RBMS3: variants seen among roughly 807,000 people sequenced by gnomAD.
RBMS3 encodes the protein RNA-binding motif, single-stranded-interacting protein 3.
RBMS3 carries 27 observed loss-of-function variants against 66.8 expected under a neutral mutation model. That is an observed-to-expected ratio of 0.40 (90% CI 0.30 to 0.56). The LOEUF is 0.56. Ranked by LOEUF, RBMS3 falls within the 20% of genes least tolerant of loss-of-function variation. The pLI, the probability that RBMS3 is intolerant of heterozygous loss-of-function variation, is 0.40. For synonymous variants in RBMS3, 188 were observed against 183.0 expected, an observed-to-expected ratio of 1.03 and a Z score of -0.22; for missense variants, 513 against 549.5, an observed-to-expected ratio of 0.93 and a Z score of 0.66.
chr3:29,310,275 A>T (rs2034292582), intron 1 of RBMS3, among the ~76,000 whole-genome samples: 1 of 151,662 alleles, frequency 6.6e-6, no homozygotes, highest in Non-Finnish European at 1.5e-5. Flanking sequence ...AATCTCAGTA[A>T]AGTAGGTCAT....
intron 1 of RBMS3, among the ~76,000 whole-genome samples, chr3:29,433,630 C>T (rs1300820379): frequency 6.6e-6 from 1 of 152,086 alleles, no homozygotes; most frequent in Non-Finnish European, 1.5e-5. Flanking sequence ...GAGGTTAAGG[C>T]ACCACTTAAA....
intron 12 of RBMS3, among the ~76,000 whole-genome samples, chr3:29,970,825 T>C (rs9857969): frequency 0.019 from 2,953 of 152,304 alleles, 52 homozygotes; most frequent in African/African-American, 0.047. Flanking sequence ...AGATTTGGGA[T>C]GTGTTCAGGA....
chr3:29,975,335 T>C (rs956340045), intron 12 of RBMS3, among the ~76,000 whole-genome samples: 2 of 151,638 alleles, frequency 1.3e-5, no homozygotes, highest in African/African-American at 2.4e-5. Context: ...TTCTGCTTAA[T>C]TGACAATGCC....
At chr3:29,929,093 A>G (rs926540240) in intron 10 of RBMS3, among the ~76,000 whole-genome samples, 2 of 152,228 alleles carry the variant, frequency 1.3e-5, no homozygotes, top group Non-Finnish European at 2.9e-5. Flanking sequence ...TAAGAAATTT[A>G]TAATCTTAAG....
chr3:29,823,963 C>A (rs2058137928), intron 6 of RBMS3, among the ~76,000 whole-genome samples: 1 of 152,028 alleles, frequency 6.6e-6, no homozygotes, highest in South Asian at 2.1e-4. Flanking sequence ...TCCAGTTTCT[C>A]CACATTCTTG....
At chr3:29,588,929 A>G (rs1478123031) in intron 4 of RBMS3, among the ~76,000 whole-genome samples, 2 of 152,098 alleles carry the variant, frequency 1.3e-5, no homozygotes, top group African/African-American at 4.8e-5. Context: ...AAAAATGCTT[A>G]ACGAAAAAGT....
chr3:29,798,866 C>T (rs192734660), intron 6 of RBMS3, among the ~76,000 whole-genome samples: 36 of 149,644 alleles, frequency 2.4e-4, no homozygotes, highest in Non-Finnish European at 4.1e-4. Flanking sequence ...TTTGGATCTT[C>T]GAGATCATTT....
chr3:29,936,850 A>G (rs2149690033), intron 11 of RBMS3, among the ~76,000 whole-genome samples: 1 of 152,186 alleles, frequency 6.6e-6, no homozygotes, highest in South Asian at 2.1e-4. Flanking sequence ...AAATCATAAG[A>G]AAAACTTTGT....
At chr3:29,680,858 A>C (rs1292457790) in intron 4 of RBMS3, among the ~76,000 whole-genome samples, 1 of 152,220 alleles carries the variant, frequency 6.6e-6, no homozygotes, top group Non-Finnish European at 1.5e-5. Flanking sequence ...TTAGGATGGA[A>C]TTTCAATACA....
intron 1 of RBMS3, among the ~76,000 whole-genome samples, chr3:29,404,872 T>C (rs2039949283): frequency 6.6e-6 from 1 of 152,136 alleles, no homozygotes; most frequent in Non-Finnish European, 1.5e-5. Flanking sequence ...GCAACAAATA[T>C]GTGACTATAA....
At chr3:29,653,151 T>C (rs563343913) in intron 4 of RBMS3, among the ~76,000 whole-genome samples, 1 of 152,226 alleles carries the variant, frequency 6.6e-6, no homozygotes, top group East Asian at 1.9e-4. Flanking sequence ...GGTGGCGCCA[T>C]GGTGGAGTTT....
intron 2 of RBMS3, among the ~76,000 whole-genome samples, chr3:29,483,309 C>CAAAAAAAAAAAAAA (rs72225547): frequency 1.3e-5 from 1 of 75,580 alleles, no homozygotes; most frequent in Non-Finnish European, 3.2e-5. Flanking sequence ...TTCGTCTTAA[C>CAAAAAAAAAAAAAA]AAAAAAAAAA....
chr3:29,829,635 A>G (rs2058311360), intron 6 of RBMS3, among the ~76,000 whole-genome samples: 1 of 152,186 alleles, frequency 6.6e-6, no homozygotes, highest in Admixed American at 6.5e-5. Flanking sequence ...TTACCCAACC[A>G]TTGAGCATAT....
At chr3:29,997,899 G>A (rs1699354607) in intron 14 of RBMS3, among the ~76,000 whole-genome samples, 1 of 152,300 alleles carries the variant, frequency 6.6e-6, no homozygotes, top group South Asian at 2.1e-4. Flanking sequence ...ATTCAACATT[G>A]TGTTGGAAGT....
intron 6 of RBMS3, among the ~76,000 whole-genome samples, chr3:29,848,423 TTATGA>T (rs1347835672): frequency 2.6e-5 from 4 of 152,226 alleles, no homozygotes; most frequent in African/African-American, 9.6e-5. Context: ...ATGTATATAG[TTATGA>T]TATGCTTTAC....
chr3:29,587,099 T>G lies in RBMS3; in HGVS notation c.308-15T>G, dbSNP rs199565759. 1.9e-5 allele frequency: 31 copies of G among 1,592,036 alleles called. No homozygotes were observed. The African/African-American group carries it at 4.1e-4, about 21-fold the overall frequency. ...TTTTTGTGAATATTAACAAGGGGAT[T>G]TTGTGTTTTCACAGGTTATGGTTTT... On this transcript the variant is annotated splice_polypyrimidine_tract_variant and intron_variant, in intron 3 of 14. Coordinates refer to ENST00000383767, the MANE Select transcript of RBMS3 (RefSeq NM_001003793.3).
intron 4 of RBMS3, among the ~76,000 whole-genome samples, chr3:29,696,377 C>A (rs1223276665): frequency 1.3e-5 from 2 of 152,130 alleles, no homozygotes; most frequent in Admixed American, 1.3e-4. Context: ...ATAAATGGTA[C>A]CTGCCATTAT....
chr3:29,497,973 A>ACT (rs2043818679), intron 3 of RBMS3, among the ~76,000 whole-genome samples: 9 of 43,416 alleles, frequency 2.1e-4, no homozygotes, highest in Admixed American at 7.0e-4. Context: ...AAAAGTATTC[A>ACT]TTTTTTTTTT....
At chr3:29,884,071 AATG>A in intron 7 of RBMS3, 88 bp from the exon 8 acceptor site, 1 of 1,093,438 alleles carries the variant, frequency 9.1e-7, no homozygotes, top group Non-Finnish European at 1.4e-6. Flanking sequence ...CATGGAAAGT[AATG>A]ATAAGAGTCT....
Sources: gnomAD v4.1 joint callset for allele counts (sites outside exome capture counted in the v4.1 genomes callset) on GRCh38, gnomAD v4.1.1 for gene constraint, MANE v1.5 for transcripts, NCBI Gene and HGNC (gene_info 2026-07-23, HGNC 2026-07-21) for gene names.